Variants in TTC34 observed in about 807,000 individuals in gnomAD.
TTC34 encodes the protein tetratricopeptide repeat domain 34.
A neutral mutation model predicts 40.7 loss-of-function variants in TTC34; 44 were observed. The observed-to-expected ratio is 1.08, with a 90% CI of 0.85 to 1.39. The LOEUF (loss-of-function observed/expected upper bound fraction) is 1.39. Among genes scored for constraint, TTC34 ranks in the 40% most tolerant of loss-of-function variants. TTC34 has a pLI of 0.00. For synonymous variants in TTC34, 422 were observed against 398.6 expected (o/e 1.06, Z -0.70); for missense variants, 884 against 838.0 (o/e 1.05, Z -0.68).
chr1:2,791,832 A>G (rs977913460), intron 2 of TTC34, among the ~76,000 whole-genome samples: 4 of 151,850 alleles, frequency 2.6e-5, no homozygotes, highest in African/African-American at 9.7e-5. Context: ...CCGAGATTCC[A>G]GTTACACACA....
At chr1:2,675,473 C>T (rs1215430660) in intron 6 of TTC34, among the ~76,000 whole-genome samples, 15 of 109,588 alleles carry the variant, frequency 1.4e-4, no homozygotes, top group African/African-American at 4.0e-4. Context: ...CATGTAACAG[C>T]ACCCACACTC....
At chr1:2,675,638 C>CA (rs1639885091) in intron 6 of TTC34, among the ~76,000 whole-genome samples, 8 of 142,366 alleles carry the variant, frequency 5.6e-5, no homozygotes, top group Admixed American at 7.0e-5. Context: ...GAGCAGCACC[C>CA]CACACCCCCA....
chr1:2,686,012 A>C (rs1269100167), intron 6 of TTC34, among the ~76,000 whole-genome samples: 10 of 113,322 alleles, frequency 8.8e-5, no homozygotes, highest in South Asian at 3.0e-4. Flanking sequence ...CCAGGTGAGC[A>C]TCTGACAGCC....
exon 2 of TTC34, chr1:2,800,436 G>C: frequency 2.5e-6 from 1 of 398,482 alleles, no homozygotes; most frequent in Non-Finnish European, 4.4e-6. Context: ...CTGTGCATGA[G>C]AGTCCAGCAG....
At chr1:2,642,574 T>G (rs1638929790) in intron 8 of TTC34, among the ~76,000 whole-genome samples, 1 of 152,204 alleles carries the variant, frequency 6.6e-6, no homozygotes. Flanking sequence ...TGACCCAGTT[T>G]TTTCACAGAG....
At chr1:2,779,171 G>A (rs868610565) in intron 6 of TTC34, among the ~76,000 whole-genome samples, 2 of 152,108 alleles carry the variant, frequency 1.3e-5, no homozygotes, top group African/African-American at 2.4e-5. Context: ...CCCATCCATC[G>A]GTGGACACCT....
At chr1:2,800,004 C>G (rs368077828) in intron 2 of TTC34, 40 bp downstream of exon 2, 4,496 of 398,338 alleles carry the variant, frequency 0.011, 46 homozygotes, top group Admixed American at 0.02. Context: ...GCGGGGGCAG[C>G]TTTCACCCTG....
exon 3 of TTC34, chr1:2,789,679 G>C: frequency 3.1e-6 from 4 of 1,278,330 alleles, no homozygotes; most frequent in Non-Finnish European, 4.0e-6. Context: ...GCGCCTCCTC[G>C]GGCCGCAGCC....
intron 6 of TTC34, among the ~76,000 whole-genome samples, chr1:2,683,598 G>T (rs1311664591): frequency 1.4e-5 from 2 of 144,752 alleles, no homozygotes; most frequent in African/African-American, 5.4e-5. Context: ...CACACACTCA[G>T]GCGAGCATCT....
intron 8 of TTC34, among the ~76,000 whole-genome samples, chr1:2,643,169 C>G (rs895678446): frequency 3.3e-5 from 5 of 152,226 alleles, no homozygotes; most frequent in Non-Finnish European, 7.4e-5. Flanking sequence ...CGACCCCAGA[C>G]TCCCCTGAGC....
rs1165324896 is a variant in TTC34, at chr1:2,749,639, C to T, written c.2226+33970G>A. On this transcript the variant is annotated intron_variant, in intron 6 of 8. Coordinates refer to ENST00000401095, the Ensembl canonical transcript of TTC34. Reference sequence around the variant, plus strand: ...GCATGTGATGGTCTGGAGCAGCCCCCACACCCAGAGGTGAGCATCCGACAG... The same window carrying T: ...GCATGTGATGGTCTGGAGCAGCCCCTACACCCAGAGGTGAGCATCCGACAG... 7.4e-4 allele frequency among the ~76,000 whole-genome samples: 84 copies of T among 113,708 alleles called. 10 individuals carry two copies. The highest frequency in any genetic ancestry group is 1.2e-3 in the Non-Finnish European group (69 of 58,246). The allele number at this position is 113,708 out of a possible 152,430, so 74.6% of individuals were successfully genotyped here.
chr1:2,752,333 C>T (rs1641348263), intron 6 of TTC34, among the ~76,000 whole-genome samples: 2 of 123,592 alleles, frequency 1.6e-5, no homozygotes, highest in Admixed American at 8.5e-5. Context: ...ACGCACACCC[C>T]CAGGTGAGCA....
In TTC34 at chr1:2,750,297, T is replaced by A. The variant is rs1641273022; in HGVS notation, c.2226+33312A>T. ...AAGAGCCCAGACCCCCAGGTGAGCA[T>A]CTGACAGACTGGAACTGCACCCCCA... On this transcript the variant is annotated intron_variant, in intron 6 of 8. Transcript: ENST00000401095. Among the ~76,000 whole-genome samples, 4 of 77,378 alleles carry A rather than the reference T, an allele frequency of 5.2e-5. No homozygotes were observed. In the Admixed American group the frequency reaches 6.1e-4, roughly 12 times the overall value. 50.8% of individuals were successfully genotyped at this position (77,378 alleles called of 152,430 possible).
chr1:2,686,902 C>T (rs796959965), intron 6 of TTC34, among the ~76,000 whole-genome samples: 1,672 of 17,380 alleles, frequency 0.096, 2 homozygotes, highest in Admixed American at 0.13. Context: ...GAGCATCTGA[C>T]AGCCTGGAAC....
At chr1:2,790,053 C>G (rs917184600) in exon 3 of TTC34, 290 of 397,546 alleles carry the variant, frequency 7.3e-4, no homozygotes, top group Admixed American at 1.5e-3. Context: ...CGAAGCAGGA[C>G]GCGGAGCGCG....
chr1:2,676,920 A>G (rs1472856905), intron 6 of TTC34, among the ~76,000 whole-genome samples: 1 of 138,590 alleles, frequency 7.2e-6, no homozygotes, highest in Non-Finnish European at 1.6e-5. Context: ...CTGGAGCAGC[A>G]CCCACACCCC....
chr1:2,752,830 T>A lies in TTC34; in HGVS notation c.2226+30779A>T. Among the ~76,000 whole-genome samples, 2 of 146,134 alleles carry A rather than the reference T, an allele frequency of 1.4e-5. 1 individual carries two copies. The highest frequency in any genetic ancestry group is 3.0e-5 in the Non-Finnish European group (2 of 67,006). The stretch of plus-strand genomic sequence containing the variant: ...CTCCCTGCATCCCCAGGTGCGCACC[T>A]GACAGACTGGAACAGCACCCACACA... On this transcript the variant is annotated intron_variant, in intron 6 of 8. Transcript: ENST00000401095.
intron 6 of TTC34, among the ~76,000 whole-genome samples, chr1:2,700,113 G>A (rs942720601): frequency 8.3e-6 from 1 of 120,538 alleles, no homozygotes; most frequent in Non-Finnish European, 1.9e-5. Context: ...GCATCCGAGA[G>A]CCTGGAGCAG....
chr1:2,785,146 G>C (rs1643562985), intron 5 of TTC34, among the ~76,000 whole-genome samples: 1 of 152,214 alleles, frequency 6.6e-6, no homozygotes, highest in Non-Finnish European at 1.5e-5. Context: ...GGGAGAGGAG[G>C]GTGAGGGGTG....
Sources: allele counts gnomAD v4.1 joint callset (sites outside exome capture counted in the v4.1 genomes callset), GRCh38; gene constraint gnomAD v4.1.1; transcripts MANE v1.5; gene names NCBI Gene and HGNC (gene_info 2026-07-23, HGNC 2026-07-21).